Variants in GFOD1 observed in about 807,000 individuals in gnomAD.
GFOD1 encodes the protein glucose-fructose oxidoreductase domain-containing protein 1.
In GFOD1, 9 loss-of-function variants were observed where a neutral mutation model predicts 25.4. The observed-to-expected ratio is 0.35, with a 90% CI of 0.21 to 0.62. GFOD1 has a LOEUF of 0.62. Ranked by LOEUF, GFOD1 falls within the 20% of genes least tolerant of loss-of-function variation. The probability of loss-of-function intolerance (pLI) is 0.72; values close to 1 mark genes in which losing one functional copy is unlikely to be tolerated. For synonymous variants in GFOD1, 253 were observed against 245.6 expected (o/e 1.03, Z -0.28); for missense variants, 403 against 556.9 (o/e 0.72, Z 2.78).
intron 1 of GFOD1, among the ~76,000 whole-genome samples, chr6:13,472,243 C>G (rs999029084): frequency 1.1e-4 from 16 of 152,196 alleles, no homozygotes; most frequent in Non-Finnish European, 2.2e-4. Flanking sequence ...AGCGGGGACA[C>G]AGCCAAACCA....
chr6:13,439,004 T>C lies in GFOD1; in HGVS notation c.253+47634A>G, dbSNP rs79345632. On this transcript the variant is annotated intron_variant, in intron 1 of 1. Coordinates refer to ENST00000379287, the MANE Select transcript of GFOD1 (RefSeq NM_018988.4). Reference sequence around the variant, plus strand: ...TTTATACCAGTGAATGAGAACAGAATCATAGAAATGAAAGCCAATTTGCAT... The same window carrying C: ...TTTATACCAGTGAATGAGAACAGAACCATAGAAATGAAAGCCAATTTGCAT... 6.0e-3 allele frequency among the ~76,000 whole-genome samples: 821 copies of C among 136,622 alleles called. 9 individuals carry two copies. Among genetic ancestry groups the C allele is most frequent in the African/African-American group, 0.021 (776 of 37,344 alleles). The allele number at this position is 136,622 out of a possible 152,430, so 89.6% of individuals were successfully genotyped here.
intron 1 of GFOD1, among the ~76,000 whole-genome samples, chr6:13,468,395 C>A (rs1368156695): frequency 1.3e-5 from 2 of 152,128 alleles, no homozygotes; most frequent in Non-Finnish European, 2.9e-5. Context: ...TACTGTGGAA[C>A]ATTTATGTTG....
In GFOD1 at chr6:13,475,928, A is replaced by G. The variant is rs1584674777; in HGVS notation, c.253+10710T>C. Among the ~76,000 whole-genome samples, 5 of 152,234 alleles carry G rather than the reference A, an allele frequency of 3.3e-5. No homozygotes were observed. In the East Asian group the frequency reaches 7.7e-4, roughly 23 times the overall value. ...AATGGAGTGAGACTATCTCAAAAAA[A>G]AGACTGACAATACCAAGTGCTGGTG... On this transcript the variant is annotated intron_variant, in intron 1 of 1. Transcript: ENST00000379287.
At chr6:13,460,409 C>T (rs181700461) in intron 1 of GFOD1, among the ~76,000 whole-genome samples, 31 of 152,284 alleles carry the variant, frequency 2.0e-4, no homozygotes, top group Middle Eastern at 3.4e-3. Context: ...ACGGAATCAA[C>T]CCAAATCCCC....
At chr6:13,406,413 G>C (rs182277503) in intron 1 of GFOD1, among the ~76,000 whole-genome samples, 342 of 152,218 alleles carry the variant, frequency 2.2e-3, no homozygotes, top group African/African-American at 7.9e-3. Context: ...TGCAAAGCCT[G>C]CAAGCGCTCT....
chr6:13,383,758 T>G (rs1258948378), intron 1 of GFOD1, among the ~76,000 whole-genome samples: 1 of 152,206 alleles, frequency 6.6e-6, no homozygotes, highest in Non-Finnish European at 1.5e-5. Flanking sequence ...AACTAACATC[T>G]AATAGGGACT....
rs976977305 is a variant in GFOD1 at position 13,487,081 on chromosome 6, G to T, written c.-191C>A. The T allele has an allele frequency of 7.9e-6, 5 of 634,212 alleles. No individual in the cohort carries two copies. Among genetic ancestry groups the T allele is most frequent in the Non-Finnish European group, 1.3e-5 (5 of 376,392 alleles). The allele number at this position is 634,212 out of a possible 1,614,324, so 39.3% of individuals were successfully genotyped here. A position where few individuals can be genotyped will look rare whatever the true frequency, so the allele number is the denominator to read the frequency against. On this transcript the variant is annotated 5_prime_UTR_variant, in exon 1 of 2. Transcript: ENST00000379287. The surrounding 1 kb of genome is among the most constrained non-coding windows in gnomAD (Gnocchi z 4.9). ...GCTGCAGGCGGAGCAAGCTCGGGGC[G>T]CCTCAGAACGGTGACTGCGGCAGTG... is the stretch of plus-strand genomic sequence containing the variant.
At chr6:13,434,031 A>G (rs981689982) in intron 1 of GFOD1, among the ~76,000 whole-genome samples, 6 of 152,242 alleles carry the variant, frequency 3.9e-5, no homozygotes, top group Admixed American at 1.3e-4. Context: ...TTATGAGAGC[A>G]TCAGAGTCAC....
In GFOD1 at chr6:13,486,904, C is replaced by T. The variant is rs1350647022; in HGVS notation, c.-14G>A. 6.2e-7 allele frequency: 1 copy of T among 1,605,044 alleles called. No individual in the cohort carries two copies. The highest frequency in any genetic ancestry group is 1.3e-5 in the African/African-American group (1 of 75,010). On this transcript the variant is annotated 5_prime_UTR_variant, in exon 1 of 2. Coordinates refer to ENST00000379287, the MANE Select transcript of GFOD1 (RefSeq NM_018988.4). ...CCCGGGAAGCATGGCTGCTCAGAGC[C>T]GCCTGGTTCTGCTTCTGCTCGGATC...
At chr6:13,381,475 GCGGAGCTGAAAAGGTTC>G (rs1020028313) in intron 1 of GFOD1, among the ~76,000 whole-genome samples, 4 of 152,220 alleles carry the variant, frequency 2.6e-5, no homozygotes, top group South Asian at 4.1e-4. Flanking sequence ...AAGGGTCCCA[GCGGAGCTGAAAAGGTTC>G]CCTTCTACAT....
chr6:13,388,060 T>C (rs1210549017), intron 1 of GFOD1, among the ~76,000 whole-genome samples: 1 of 152,198 alleles, frequency 6.6e-6, no homozygotes, highest in African/African-American at 2.4e-5. Context: ...TTACAAGGGA[T>C]GTGAAGGACC....
At chr6:13,386,991 A>G (rs55942054) in intron 1 of GFOD1, among the ~76,000 whole-genome samples, 8,560 of 152,226 alleles carry the variant, frequency 0.056, 468 homozygotes, top group African/African-American at 0.14. Flanking sequence ...CTCATTTCTC[A>G]GAGTCCCAGG....
Position 13,364,193 on chromosome 6 carries a change from C to T in GFOD1, c.*550G>A, listed in dbSNP as rs1205301155. On this transcript the variant is annotated 3_prime_UTR_variant, in exon 2 of 2. Transcript: ENST00000379287. The surrounding 1 kb of genome is among the most constrained non-coding windows in gnomAD (Gnocchi z 4.1). ...ACTAAGTACTTTTGCCGTTAGATACCTTATATCCAATAAAAAGTGGCTTCC... is the reference window on the plus strand; with the variant it reads ...ACTAAGTACTTTTGCCGTTAGATACTTTATATCCAATAAAAAGTGGCTTCC... 1 of 156,810 alleles carries T rather than the reference C, an allele frequency of 6.4e-6. No individual in the cohort carries two copies. Among genetic ancestry groups the T allele is most frequent in the Non-Finnish European group, 1.4e-5 (1 of 70,710 alleles). 9.7% of individuals were successfully genotyped at this position (156,810 alleles called of 1,614,324 possible).
chr6:13,466,278 A>G (rs1186822473), intron 1 of GFOD1, among the ~76,000 whole-genome samples: 2 of 152,258 alleles, frequency 1.3e-5, no homozygotes, highest in African/African-American at 4.8e-5. Context: ...GATAATAGAC[A>G]GAAAAGATGA....
chr6:13,437,818 T>G (rs902201615), intron 1 of GFOD1, among the ~76,000 whole-genome samples: 1 of 152,220 alleles, frequency 6.6e-6, no homozygotes, highest in Non-Finnish European at 1.5e-5. Flanking sequence ...ACTGGTGCAC[T>G]TGAGTTTGCA....
chr6:13,464,787 AC>A (rs1040653325), intron 1 of GFOD1, among the ~76,000 whole-genome samples: 2 of 151,780 alleles, frequency 1.3e-5, no homozygotes, highest in Admixed American at 1.3e-4. Context: ...TGCAACATTA[AC>A]TTTTCTTTAG....
intron 1 of GFOD1, among the ~76,000 whole-genome samples, chr6:13,435,277 T>A (rs1182263335): frequency 6.6e-6 from 1 of 152,160 alleles, no homozygotes; most frequent in Non-Finnish European, 1.5e-5. Flanking sequence ...ATTCCCTACT[T>A]GCATCCTGAA....
rs200474435 is a variant in GFOD1 at position 13,422,254 on chromosome 6, C to T, written c.254-56592G>A. 9.2e-5 allele frequency among the ~76,000 whole-genome samples: 14 copies of T among 152,264 alleles called. No homozygotes were observed. The East Asian group carries it at 2.7e-3, about 29-fold the overall frequency. ...CTCATTTGTATGTTTTGTTGTGTTG[C>T]AAAAACCCCAAGTGGAGTAAAAGAA... On this transcript the variant is annotated intron_variant, in intron 1 of 1. Transcript: ENST00000379287.
chr6:13,474,422 T>C (rs922029620), intron 1 of GFOD1, among the ~76,000 whole-genome samples: 2 of 152,172 alleles, frequency 1.3e-5, no homozygotes, highest in African/African-American at 4.8e-5. Context: ...GCCATTTTTT[T>C]CCCCTTTGCC....
Sources: gnomAD v4.1 joint callset for allele counts (sites outside exome capture counted in the v4.1 genomes callset) on GRCh38, gnomAD v4.1.1 for gene constraint, Gnocchi (gnomAD v3.1) non-coding constraint, MANE v1.5 for transcripts, NCBI Gene and HGNC (gene_info 2026-07-23, HGNC 2026-07-21) for gene names.